HIVEP3: variants seen among roughly 807,000 people sequenced by gnomAD.
The protein encoded by HIVEP3 is transcription factor HIVEP3.
In HIVEP3, 49 loss-of-function variants were observed where a neutral mutation model predicts 152.8. That is an observed-to-expected ratio of 0.32 (90% CI 0.26 to 0.41). The LOEUF is 0.41. Among genes scored for constraint, HIVEP3 ranks in the 10% least tolerant of loss-of-function variants. The probability of loss-of-function intolerance (pLI) is 1.00; values close to 1 mark genes in which losing one functional copy is unlikely to be tolerated. For synonymous variants in HIVEP3, 1,269 were observed against 1,289.0 expected, an observed-to-expected ratio of 0.98 and a Z score of 0.33; for missense variants, 2,790 against 3,103.3, an observed-to-expected ratio of 0.90 and a Z score of 2.40.
chr1:41,728,795 T>C (rs1226747168), intron 1 of HIVEP3, among the ~76,000 whole-genome samples: 2 of 152,196 alleles, frequency 1.3e-5, no homozygotes, highest in African/African-American at 4.8e-5. Flanking sequence ...TGAACTGCTG[T>C]GGCCTGGGAC....
intron 1 of HIVEP3, among the ~76,000 whole-genome samples, chr1:41,806,969 G>GGGTCATC (rs1309748459): frequency 2.0e-5 from 3 of 152,070 alleles, no homozygotes; most frequent in African/African-American, 7.2e-5. Context: ...TTAGGTCACT[G>GGGTCATC]GGTCATCGAG....
intron 6 of HIVEP3, among the ~76,000 whole-genome samples, chr1:41,524,216 G>A (rs760500955): frequency 2.6e-4 from 39 of 152,322 alleles, no homozygotes; most frequent in Non-Finnish European, 4.4e-4. Context: ...GTGCAGAGAA[G>A]CTGGGTGGAG....
rs545925926 is a variant in HIVEP3 at position 41,598,394 on chromosome 1, A to G, written c.-521-13076T>C. ...GTGTCTACTATGGAGAGCAATACAT[A>G]GAATACACAATAATATATACACACA... On this transcript the variant is annotated intron_variant, in intron 3 of 8. Coordinates refer to ENST00000372583, the MANE Select transcript of HIVEP3 (RefSeq NM_024503.5). 3.9e-5 allele frequency among the ~76,000 whole-genome samples: 6 copies of G among 152,372 alleles called. No homozygotes were observed. The East Asian group carries it at 1.2e-3, about 29-fold the overall frequency.
At chr1:41,891,851 G>A (rs762223972) in intron 1 of HIVEP3, among the ~76,000 whole-genome samples, 2 of 152,182 alleles carry the variant, frequency 1.3e-5, no homozygotes, top group Non-Finnish European at 2.9e-5. Flanking sequence ...CATTGCTTGT[G>A]AAAAGAGATG....
At chr1:42,009,485 T>C (rs1474725972) in intron 1 of HIVEP3, among the ~76,000 whole-genome samples, 1 of 152,250 alleles carries the variant, frequency 6.6e-6, no homozygotes, top group East Asian at 1.9e-4. Flanking sequence ...CTACATCAGA[T>C]ATTATTCTGC....
At chr1:41,750,842 G>A (rs866539624) in intron 1 of HIVEP3, among the ~76,000 whole-genome samples, 14 of 152,102 alleles carry the variant, frequency 9.2e-5, no homozygotes, top group Middle Eastern at 3.2e-3. Context: ...GGGATTACAG[G>A]TGTGTAGGAT....
chr1:41,639,007 C>T (rs1645330581), intron 2 of HIVEP3, among the ~76,000 whole-genome samples: 1 of 152,214 alleles, frequency 6.6e-6, no homozygotes. Context: ...CCTGAGGCCC[C>T]TGCCACCCTC....
intron 1 of HIVEP3, among the ~76,000 whole-genome samples, chr1:41,766,562 A>G (rs1033636953): frequency 5.3e-5 from 8 of 152,236 alleles, no homozygotes; most frequent in Admixed American, 3.3e-4. Flanking sequence ...CATTGTACAA[A>G]TGAGGAAATA....
chr1:41,587,996 C>A (rs541478612), intron 3 of HIVEP3, among the ~76,000 whole-genome samples: 38 of 152,328 alleles, frequency 2.5e-4, no homozygotes, highest in Admixed American at 1.8e-3. Context: ...TATGTCCTAA[C>A]CACACTGCAG....
In HIVEP3 at chr1:41,845,355, C is replaced by T. The variant is rs115658520; in HGVS notation, c.-801+73058G>A. ...TACTAGTAGAATGGATAAATGAGTG[C>T]TCATTCCTTCACTGTCTCCATCAGC... On this transcript the variant is annotated intron_variant, in intron 1 of 8. Transcript: ENST00000372583. Among the ~76,000 whole-genome samples the T allele has an allele frequency of 4.5e-3, 675 of 151,314 alleles. 7 individuals carry two copies. The highest frequency in any genetic ancestry group is 0.016 in the African/African-American group (650 of 41,130).
chr1:42,012,090 C>G (rs1002321255), intron 1 of HIVEP3, among the ~76,000 whole-genome samples: 1 of 152,196 alleles, frequency 6.6e-6, no homozygotes, highest in Non-Finnish European at 1.5e-5. Flanking sequence ...GGAATATAAA[C>G]CCTGGAACAT....
intron 5 of HIVEP3, among the ~76,000 whole-genome samples, chr1:41,537,619 G>A (rs962873614): frequency 5.9e-5 from 9 of 152,242 alleles, no homozygotes; most frequent in African/African-American, 1.7e-4. Context: ...AGCCTGCTGA[G>A]CTGTGTCTCT....
intron 2 of HIVEP3, among the ~76,000 whole-genome samples, chr1:41,663,637 A>T (rs1645752023): frequency 6.6e-6 from 1 of 151,922 alleles, no homozygotes; most frequent in Non-Finnish European, 1.5e-5. Context: ...CTCCTCCCAG[A>T]CCCCCAGCTT....
At chr1:41,610,035 G>A (rs1644876459) in intron 3 of HIVEP3, among the ~76,000 whole-genome samples, 1 of 152,198 alleles carries the variant, frequency 6.6e-6, no homozygotes, top group Non-Finnish European at 1.5e-5. Flanking sequence ...ACAGGGGAAT[G>A]ATGTCTGCAG....
At chr1:41,715,208 C>T (rs1004502157) in intron 1 of HIVEP3, among the ~76,000 whole-genome samples, 1 of 152,228 alleles carries the variant, frequency 6.6e-6, no homozygotes, top group African/African-American at 2.4e-5. Flanking sequence ...TTTCAGCCAG[C>T]CTGGCAGACT....
intron 1 of HIVEP3, among the ~76,000 whole-genome samples, chr1:41,939,280 T>C (rs1645034701): frequency 6.6e-6 from 1 of 152,204 alleles, no homozygotes; most frequent in South Asian, 2.1e-4. Flanking sequence ...CCTCTGTGTG[T>C]CCCTCTTTGG....
chr1:41,677,593 G>A (rs929597885), intron 2 of HIVEP3, among the ~76,000 whole-genome samples: 11 of 152,238 alleles, frequency 7.2e-5, no homozygotes, highest in Admixed American at 3.9e-4. Context: ...AGTTGAGCCT[G>A]TGAAGTCCAG....
intron 1 of HIVEP3, among the ~76,000 whole-genome samples, chr1:41,993,308 A>C (rs1645374543): frequency 6.6e-6 from 1 of 151,576 alleles, no homozygotes; most frequent in Non-Finnish European, 1.5e-5. Context: ...TACAAGAAAA[A>C]AACAAACAAC....
In HIVEP3 at chr1:41,966,475, CTTT is replaced by C. The variant is rs58470482; in HGVS notation, n.120-47954_120-47952del. 6.3e-5 allele frequency among the ~76,000 whole-genome samples: 6 copies of C among 95,810 alleles called. 1 individual carries two copies. Among genetic ancestry groups the C allele is most frequent in the South Asian group, 4.3e-4 (1 of 2,346 alleles). The allele number at this position is 95,810 out of a possible 152,430, so 62.9% of individuals were successfully genotyped here. The stretch of plus-strand genomic sequence containing the variant: ...TCAAGACCCATCAGTGTGCTGTATT[CTTT>C]TTTTTTTTTTTTTGAGATGGAGTCT... On this transcript the variant is annotated intron_variant and non_coding_transcript_variant, in intron 1 of 3. Transcript: ENST00000489103.
Sources: allele counts gnomAD v4.1 joint callset (sites outside exome capture counted in the v4.1 genomes callset), GRCh38; gene constraint gnomAD v4.1.1; transcripts MANE v1.5; gene names NCBI Gene and HGNC (gene_info 2026-07-23, HGNC 2026-07-21).